The following EIF3A variants were observed in gnomAD, a reference collection of about 807,000 sequenced individuals.
EIF3A encodes eukaryotic translation initiation factor 3 subunit A, also known as EIF3, p180 subunit.
A neutral mutation model predicts 186.6 loss-of-function variants in EIF3A; 21 were observed. The observed-to-expected ratio is 0.11, with a 90% CI of 0.08 to 0.16. The LOEUF (loss-of-function observed/expected upper bound fraction) is 0.16. Ranked by LOEUF, EIF3A falls within the 10% of genes least tolerant of loss-of-function variation. The probability of loss-of-function intolerance (pLI) is 1.00; values close to 1 mark genes in which losing one functional copy is unlikely to be tolerated. For missense variants in EIF3A, 1,306 were observed against 1,796.3 expected (o/e 0.73, Z 4.93); for synonymous variants, 563 against 584.3 (o/e 0.96, Z 0.52).
intron 2 of EIF3A, 21 bp downstream of exon 2, chr10:119,073,726 A>G (rs1844114600): frequency 6.3e-7 from 1 of 1,576,640 alleles, no homozygotes; most frequent in Admixed American, 1.9e-5. Flanking sequence ...TTAAAAATAT[A>G]CAACCCAGTT....
At chr10:119,041,203 G>A (rs546467011) in intron 19 of EIF3A, among the ~76,000 whole-genome samples, 2 of 151,818 alleles carry the variant, frequency 1.3e-5, no homozygotes, top group Non-Finnish European at 2.9e-5. Context: ...GGTAATAGAC[G>A]CATGTCACAA....
intron 7 of EIF3A, among the ~76,000 whole-genome samples, chr10:119,063,594 T>C (rs1843924171): frequency 6.6e-6 from 1 of 152,182 alleles, no homozygotes; most frequent in African/African-American, 2.4e-5. Context: ...CAAGTACTTA[T>C]CCCTCTTTCT....
chr10:119,037,442 C>A lies in EIF3A; in HGVS notation c.3729-133G>T, dbSNP rs144437437. The A allele has an allele frequency of 6.7e-6, 5 of 742,848 alleles. No individual in the cohort carries two copies. The Admixed American group carries it at 1.1e-4, about 17-fold the overall frequency. The allele number at this position is 742,848 out of a possible 1,614,324, so 46.0% of individuals were successfully genotyped here. ...AGTTTAAACTCATAACCTGACCTTA[C>A]CTGATGCCTGGGGCGTGGAGAACAA... On this transcript the variant is annotated intron_variant, in intron 20 of 21. Transcript: ENST00000369144.
rs753971432 is a variant in EIF3A, at chr10:119,065,382, C to T, written c.1122+17G>A. The T allele has an allele frequency of 5.1e-6, 8 of 1,578,820 alleles. No homozygotes were observed. Among genetic ancestry groups the T allele is most frequent in the Non-Finnish European group, 6.9e-6 (8 of 1,158,202 alleles). On this transcript the variant is annotated intron_variant, in intron 7 of 21. Coordinates refer to ENST00000369144, the MANE Select transcript of EIF3A (RefSeq NM_003750.4). ...TTTTCTGCCCAAAGCTACAAAAATC[C>T]TCAAATTAATACTAACCATATCATT...
chr10:119,080,458 G>C (rs1009199303), intron 1 of EIF3A, 170 bp downstream of exon 1: 2 of 985,246 alleles, frequency 2.0e-6, no homozygotes, highest in African/African-American at 3.5e-5. Flanking sequence ...AGTCGATAGA[G>C]TGAGAAGGAA....
rs1191152706 is a variant in EIF3A at position 119,037,237 on chromosome 10, A to G, written c.3801T>C (p.Asp1267=). ...SSWRDSSRRD[D]RDRDDRRRER... ...CACGGCGACGGTCATCCCTATCCCT[A>G]TCGTCCCGGCGACTTGAGTCTCTCC... is the stretch of plus-strand genomic sequence containing the variant. Residue 1267 remains aspartate (D), a synonymous_variant, in exon 21 of 22, where the codon GAT becomes GAC. Coordinates refer to ENST00000369144, the MANE Select transcript of EIF3A (RefSeq NM_003750.4). 1.2e-6 allele frequency: 2 copies of G among 1,613,610 alleles called. No homozygotes were observed. The highest frequency in any genetic ancestry group is 2.2e-5 in the East Asian group (1 of 44,852).
intron 1 of EIF3A, among the ~76,000 whole-genome samples, chr10:119,076,640 T>C (rs182815333): frequency 3.3e-5 from 5 of 152,238 alleles, no homozygotes; most frequent in Admixed American, 2.6e-4. Context: ...GTAAGGTTAT[T>C]TTCTAAAATG....
Position 119,069,531 on chromosome 10 carries a change from C to A in EIF3A, c.865G>T (p.Ala289Ser). ...VSTVFWKSGN[A>S]LFHASTLHRL... Reference sequence around the variant, plus strand: ...TGGAGTGTAGATGCATGAAAAAGAGCATTTCCAGATTTCCAAAACACAGTT... The same window carrying A: ...TGGAGTGTAGATGCATGAAAAAGAGAATTTCCAGATTTCCAAAACACAGTT... The change falls in exon 6 of 22, where the codon GCT becomes TCT. Residue 289 changes from alanine (A) to serine (S), a missense_variant. Physicochemically the swap from Ala to Ser is moderately conservative, Grantham distance 99 (BLOSUM62 1). This residue lies in a region of EIF3A where 267 missense variants were observed against 367.8 expected (regional missense o/e 0.73). Transcript: ENST00000369144. 1.3e-6 allele frequency: 2 copies of A among 1,594,574 alleles called. No individual in the cohort carries two copies. The highest frequency in any genetic ancestry group is 1.7e-6 in the Non-Finnish European group (2 of 1,162,320).
intron 17 of EIF3A, among the ~76,000 whole-genome samples, chr10:119,045,739 T>C (rs912353409): frequency 5.9e-5 from 9 of 152,180 alleles, no homozygotes; most frequent in Admixed American, 2.0e-4. Flanking sequence ...CATTTTTGTA[T>C]TTTTTGTGGA....
At chr10:119,072,047 GAAAGAAAA>G (rs562608058) in intron 4 of EIF3A, among the ~76,000 whole-genome samples, 7,689 of 72,018 alleles carry the variant, frequency 0.11, 517 homozygotes, top group African/African-American at 0.22. Flanking sequence ...AAAAAAAAAA[GAAAGAAAA>G]AAAGAAAGAA....
intron 19 of EIF3A, among the ~76,000 whole-genome samples, chr10:119,039,550 T>C (rs987133979): frequency 2.6e-5 from 4 of 152,044 alleles, no homozygotes; most frequent in Admixed American, 2.0e-4. Flanking sequence ...TGTGCACCTA[T>C]AGTCTACTAC....
In EIF3A at chr10:119,058,023, C is replaced by T; in HGVS notation, c.1910G>A (p.Arg637Gln). Reference protein sequence around the residue: ...EHEQIKKKTVRERLEQIKKTE... With the variant: ...EHEQIKKKTVQERLEQIKKTE... ...TTTCTTGATCTGCTCCAAACGCTCT[C>T]GGACAGTTTTCTTTTTGATTTGTTC... Residue 637 changes from arginine (R) to glutamine (Q), a missense_variant, in exon 12 of 22, where the codon CGA becomes CAA. Coordinates refer to ENST00000369144, the MANE Select transcript of EIF3A (RefSeq NM_003750.4). 6.2e-7 allele frequency: 1 copy of T among 1,614,180 alleles called. No individual in the cohort carries two copies. Among genetic ancestry groups the T allele is most frequent in the Non-Finnish European group, 8.5e-7 (1 of 1,180,036 alleles).
rs546469511 is a variant in EIF3A, at chr10:119,033,856, G to A, written c.*2183C>T. The stretch of plus-strand genomic sequence containing the variant: ...CTTATAAAAGTATAAGTCAATCTAT[G>A]GTCAGTGTCTTTGGTTAAAAAAAAA... On this transcript the variant is annotated 3_prime_UTR_variant, in exon 22 of 22. Coordinates refer to ENST00000369144, the MANE Select transcript of EIF3A (RefSeq NM_003750.4). The A allele has an allele frequency of 6.7e-4, 102 of 151,352 alleles. No homozygotes were observed. Among genetic ancestry groups the A allele is most frequent in the African/African-American group, 2.3e-3 (91 of 39,516 alleles). The allele number at this position is 151,352 out of a possible 1,614,324, so 9.4% of individuals were successfully genotyped here.
chr10:119,080,339 G>C (rs1455111240), intron 1 of EIF3A: 1 of 985,348 alleles, frequency 1.0e-6, no homozygotes, highest in Non-Finnish European at 1.2e-6. Flanking sequence ...GCTCCAGTCC[G>C]GGTAGGGGCT....
At chr10:119,078,363 G>A (rs1391306174) in intron 1 of EIF3A, among the ~76,000 whole-genome samples, 2 of 150,888 alleles carry the variant, frequency 1.3e-5, no homozygotes, top group Non-Finnish European at 3.0e-5. Context: ...TATATGCTTA[G>A]GGTGACCTGA....
chr10:119,075,843 C>CGCT (rs1469485215), intron 1 of EIF3A, among the ~76,000 whole-genome samples: 26 of 141,214 alleles, frequency 1.8e-4, no homozygotes, highest in Admixed American at 1.0e-3. Flanking sequence ...CCTCCTGAGT[C>CGCT]GCTGGGACTA....
Position 119,044,126 on chromosome 10 carries a change from T to A in EIF3A, c.2675A>T (p.Asp892Val). 6.2e-7 allele frequency: 1 copy of A among 1,613,604 alleles called. No homozygotes were observed. Among genetic ancestry groups the A allele is most frequent in the Non-Finnish European group, 8.5e-7 (1 of 1,179,552 alleles). Residue 892 changes from aspartate to valine, a missense_variant, in exon 18 of 22, where the codon GAT becomes GTT. By Grantham distance (152) the Asp-to-Val change is radical. Around this residue, in one of 8 missense-constraint regions of EIF3A, gnomAD observed 410 missense variants for 473.5 expected, o/e 0.87. Transcript: ENST00000369144. ...TCTCCAGGTGCCTTCTGAATCTCTA[T>A]CTCCCCAACGAGAGTCCTCCATTGA... ...SLSRKDSRWG[D>V]RDSEGTWRKG...
rs1418339157 is a variant in EIF3A, at chr10:119,070,981, T to C, written c.646A>G (p.Thr216Ala). The C allele has an allele frequency of 6.2e-7, 1 of 1,613,924 alleles. No individual in the cohort carries two copies. The highest frequency in any genetic ancestry group is 8.5e-7 in the Non-Finnish European group (1 of 1,179,760). ...TCTGGATTATTAAGATTGATTGCCG[T>C]ACTTTGGTTATGGTGGCGCTGAATC... Reference protein sequence around the residue: ...SQIQRHHNQSTAINLNNPESQ... With the variant: ...SQIQRHHNQSAAINLNNPESQ... The change falls in exon 5 of 22, where the codon ACG (threonine) becomes GCG (alanine). Residue 216 changes from threonine (T) to alanine (A), a missense_variant. Transcript: ENST00000369144.
intron 4 of EIF3A, among the ~76,000 whole-genome samples, chr10:119,071,888 G>A (rs1844076714): frequency 6.6e-6 from 1 of 151,904 alleles, no homozygotes; most frequent in South Asian, 2.1e-4. Context: ...AGCCGAGCAT[G>A]GCAGCGTGCG....
Sources: allele counts gnomAD v4.1 joint callset (sites outside exome capture counted in the v4.1 genomes callset), GRCh38; gene constraint gnomAD v4.1.1; regional missense constraint gnomAD v4.1.1; transcripts MANE v1.5; gene names NCBI Gene and HGNC (gene_info 2026-07-23, HGNC 2026-07-21).